Variants in TGM3 observed in about 807,000 individuals in gnomAD.
TGM3 encodes the protein transglutaminase 3.
In TGM3, 52 loss-of-function variants were observed where a neutral mutation model predicts 73.8. The observed-to-expected ratio is 0.70, with a 90% confidence interval of 0.56 to 0.89. The LOEUF is 0.89. Ranked by LOEUF, TGM3 falls within the 40% of genes least tolerant of loss-of-function variation. The pLI, the probability that TGM3 is intolerant of heterozygous loss-of-function variation, is 0.00. For synonymous variants in TGM3, 372 were observed against 354.9 expected (o/e 1.05, Z -0.54); for missense variants, 928 against 909.9 (o/e 1.02, Z -0.26).
chr20:2,310,798 A>T (rs1600695317), intron 3 of TGM3, among the ~76,000 whole-genome samples: 1 of 152,152 alleles, frequency 6.6e-6, no homozygotes, highest in East Asian at 1.9e-4. Flanking sequence ...CTGGGGTCTC[A>T]TTTTCAGACC....
intron 8 of TGM3, among the ~76,000 whole-genome samples, chr20:2,327,314 C>CA (rs1332804892): frequency 0.081 from 11,617 of 143,586 alleles, 1,400 homozygotes; most frequent in African/African-American, 0.27. Context: ...ACTAAAATTA[C>CA]AAAAAAAAAA....
intron 2 of TGM3, 31 bp from the exon 3 acceptor site, chr20:2,310,147 T>C (rs775038105): frequency 1.6e-5 from 26 of 1,612,822 alleles, no homozygotes; most frequent in Non-Finnish European, 1.9e-5. Context: ...CAGTGCTTGT[T>C]GGTTTTCTCA....
rs2084371508 is a variant in TGM3, at chr20:2,339,960, G to A, written c.1907G>A (p.Gly636Asp). The change falls in exon 12 of 13, where the codon GGC becomes GAC. Residue 636 changes from glycine (G) to aspartate (D), a missense_variant. Physicochemically the swap from Gly to Asp is moderately conservative, Grantham distance 94. Transcript: ENST00000381458. ...TGCGTGCTGATGGTGGAGGGAAGCG[G>A]CCTGCTGTTGGGTAACCTGAAGATC... ...RDCVLMVEGS[G>D]LLLGNLKIDV... is the part of the protein sequence containing the mutation. 1 of 1,604,626 alleles carries A rather than the reference G, an allele frequency of 6.2e-7. No homozygotes were observed. Among genetic ancestry groups the A allele is most frequent in the South Asian group, 1.1e-5 (1 of 90,584 alleles).
intron 7 of TGM3, 131 bp downstream of exon 7, chr20:2,317,616 T>C (rs2084241758): frequency 7.9e-7 from 1 of 1,273,614 alleles, no homozygotes; most frequent in East Asian, 2.3e-5. Flanking sequence ...GGGTGTAGAA[T>C]GGAACTGCTG....
chr20:2,310,049 T>G, intron 2 of TGM3, 129 bp from the exon 3 acceptor site: 1 of 1,445,918 alleles, frequency 6.9e-7, no homozygotes, highest in African/African-American at 1.4e-5. Flanking sequence ...TTTGTTCCAG[T>G]TACTTCCAGT....
chr20:2,330,058 A>AG (rs2084312048), intron 9 of TGM3, among the ~76,000 whole-genome samples: 2 of 151,290 alleles, frequency 1.3e-5, no homozygotes, highest in Admixed American at 6.6e-5. Flanking sequence ...GGGGTGGGGG[A>AG]GGGGGTCCCT....
chr20:2,321,516 T>G (rs1484310445), intron 7 of TGM3, among the ~76,000 whole-genome samples: 1 of 152,176 alleles, frequency 6.6e-6, no homozygotes, highest in Admixed American at 6.5e-5. Context: ...GTCTCCTAAC[T>G]CTGTGATTTC....
chr20:2,309,823 C>T lies in TGM3; in HGVS notation c.174C>T (p.Val58=), dbSNP rs763496239. 2 of 1,614,222 alleles carry T rather than the reference C, an allele frequency of 1.2e-6. No individual in the cohort carries two copies. Among genetic ancestry groups the T allele is most frequent in the South Asian group, 2.2e-5 (2 of 91,090 alleles). ...LGSNERLEFI[V]STGPYPSESA... Reference sequence around the variant, plus strand: ...CTAACGAAAGACTGGAGTTCATTGTCTCCACAGGTACCTGCTCATTCCCCT... The same window carrying T: ...CTAACGAAAGACTGGAGTTCATTGTTTCCACAGGTACCTGCTCATTCCCCT... The change falls in exon 2 of 13, where the codon GTC becomes GTT. Residue 58 remains valine, a synonymous_variant. Transcript: ENST00000381458.
Position 2,320,137 on chromosome 20 carries a change from G to A in TGM3, c.983+2652G>A, listed in dbSNP as rs189093187. Among the ~76,000 whole-genome samples the A allele has an allele frequency of 1.3e-3, 201 of 152,248 alleles. 2 individuals are homozygous for A. The highest frequency in any genetic ancestry group is 2.2e-4 in the Non-Finnish European group (15 of 68,024). On this transcript the variant is annotated intron_variant, in intron 7 of 12. Transcript: ENST00000381458. Reference sequence around the variant, plus strand: ...CTAAGCTATTCTTATAAGGGCAACCGGAGTTTGGACAGAAAACCTCTGACA... The same window carrying A: ...CTAAGCTATTCTTATAAGGGCAACCAGAGTTTGGACAGAAAACCTCTGACA...
intron 7 of TGM3, among the ~76,000 whole-genome samples, chr20:2,325,397 C>T (rs1168163836): frequency 1.3e-5 from 2 of 152,200 alleles, no homozygotes; most frequent in Non-Finnish European, 2.9e-5. Flanking sequence ...TCAGCCACTC[C>T]TGCAGCAACC....
rs563060197 is a variant in TGM3 at position 2,310,309 on chromosome 20, A to G, written c.313A>G (p.Ser105Gly). 6.2e-7 allele frequency: 1 copy of G among 1,614,244 alleles called. No homozygotes were observed. Among genetic ancestry groups the G allele is most frequent in the South Asian group, 1.1e-5 (1 of 91,090 alleles). ...TLTISISSPASAPIGRYTMAL... is the reference protein window; with the variant it reads ...TLTISISSPAGAPIGRYTMAL... Reference sequence around the variant, plus strand: ...GACTATCAGCATCTCCAGTCCTGCCAGCGCACCCATAGGACGGTACACAAT... The same window carrying G: ...GACTATCAGCATCTCCAGTCCTGCCGGCGCACCCATAGGACGGTACACAAT... The change falls in exon 3 of 13, where the codon AGC (serine) becomes GGC (glycine). Residue 105 changes from serine to glycine, a missense_variant. By Grantham distance (56) the Ser-to-Gly change is moderately conservative (BLOSUM62 0). Coordinates refer to ENST00000381458, the MANE Select transcript of TGM3 (RefSeq NM_003245.4).
rs214803 is a variant in TGM3 at position 2,309,687 on chromosome 20, C to T, written c.38C>T (p.Thr13Met). 5 of 1,613,848 alleles carry T rather than the reference C, an allele frequency of 3.1e-6. 1 individual carries two copies. Among genetic ancestry groups the T allele is most frequent in the Middle Eastern group, 3.3e-4 (2 of 6,038 alleles). ...ALGVQSINWQ[T>M]AFNRQAHHTD... ...GGAGTCCAGAGTATCAACTGGCAGACGGCCTTCAACCGACAAGCGCATCAC... is the reference window on the plus strand; with the variant it reads ...GGAGTCCAGAGTATCAACTGGCAGATGGCCTTCAACCGACAAGCGCATCAC... The change falls in exon 2 of 13, where the codon ACG (threonine) becomes ATG (methionine). Residue 13 changes from threonine (T) to methionine (M), a missense_variant. Thr to Met is a moderately conservative substitution (Grantham distance 81). Transcript: ENST00000381458.
chr20:2,302,714 T>TAAAAA lies in TGM3; in HGVS notation c.7+6655_7+6659dup, dbSNP rs56347560. Among the ~76,000 whole-genome samples, 16 of 105,268 alleles carry TAAAAA rather than the reference T, an allele frequency of 1.5e-4. No homozygotes were observed. In the East Asian group the frequency reaches 2.0e-3, roughly 13 times the overall value. The allele number at this position is 105,268 out of a possible 152,430, so 69.1% of individuals were successfully genotyped here. A position where few individuals can be genotyped will look rare whatever the true frequency, so the allele number is the denominator to read the frequency against. On this transcript the variant is annotated intron_variant, in intron 1 of 12. Coordinates refer to ENST00000381458, the MANE Select transcript of TGM3 (RefSeq NM_003245.4). ...CAACTGTTTATATAAAGAGGTTTTC[T>TAAAAA]AAAAAAAAAAAAAAATTTAAAACAG...
At chr20:2,336,032 C>T (rs2084349096) in intron 11 of TGM3, among the ~76,000 whole-genome samples, 1 of 152,248 alleles carries the variant, frequency 6.6e-6, no homozygotes, top group African/African-American at 2.4e-5. Context: ...AAAGACCCCT[C>T]TTTCTCTGCT....
chr20:2,327,700 A>G (rs1321986373), intron 8 of TGM3, among the ~76,000 whole-genome samples: 1 of 152,216 alleles, frequency 6.6e-6, no homozygotes, highest in Non-Finnish European at 1.5e-5. Context: ...TTGGGAGCTC[A>G]GAGGAACAAG....
chr20:2,310,113 A>T, intron 2 of TGM3, 65 bp from the exon 3 acceptor site: 5 of 1,595,972 alleles, frequency 3.1e-6, no homozygotes, highest in Non-Finnish European at 3.4e-6. Flanking sequence ...GTTGTATTGG[A>T]ACCTGGTCTC....
At chr20:2,318,130 C>A (rs555703252) in intron 7 of TGM3, among the ~76,000 whole-genome samples, 2 of 152,100 alleles carry the variant, frequency 1.3e-5, no homozygotes, top group East Asian at 1.9e-4. Flanking sequence ...AGTGATTCTC[C>A]TGCCTCAGCC....
chr20:2,303,283 A>G (rs547684275), intron 1 of TGM3, among the ~76,000 whole-genome samples: 4 of 152,112 alleles, frequency 2.6e-5, no homozygotes, highest in Admixed American at 6.5e-5. Flanking sequence ...CCTGGGCGAC[A>G]GAGGGAGACT....
intron 4 of TGM3, among the ~76,000 whole-genome samples, chr20:2,312,292 T>C (rs531017642): frequency 6.9e-6 from 1 of 143,990 alleles, no homozygotes; most frequent in South Asian, 2.3e-4. Context: ...CCCAGCTACT[T>C]GGGAGGCTGA....
Sources: gnomAD v4.1 joint callset for allele counts (sites outside exome capture counted in the v4.1 genomes callset) on GRCh38, gnomAD v4.1.1 for gene constraint, MANE v1.5 for transcripts, NCBI Gene and HGNC (gene_info 2026-07-23, HGNC 2026-07-21) for gene names.